The following MYPOP variants were observed in gnomAD, a reference collection of about 807,000 sequenced individuals.
MYPOP encodes myb-related transcription factor, partner of profilin.
In MYPOP, 21 loss-of-function variants were observed where a neutral mutation model predicts 25.7. The observed-to-expected ratio is 0.82, with a 90% CI of 0.58 to 1.18. The LOEUF is 1.18. Ranked by LOEUF, MYPOP falls within the 50% of genes most tolerant of loss-of-function variation. The pLI, the probability that MYPOP is intolerant of heterozygous loss-of-function variation, is 0.00. For missense variants in MYPOP, 566 were observed against 588.3 expected, an observed-to-expected ratio of 0.96 and a Z score of 0.39; for synonymous variants, 280 against 247.9, an observed-to-expected ratio of 1.13 and a Z score of -1.22.
intron 2 of MYPOP, among the ~76,000 whole-genome samples, chr19:45,900,401 T>C (rs916925702): frequency 1.2e-4 from 18 of 152,174 alleles, no homozygotes; most frequent in Admixed American, 7.2e-4. Flanking sequence ...TTCTTACTCT[T>C]TGCATCTCAG....
At chr19:45,902,008 G>C (rs1054753118) in intron 1 of MYPOP, among the ~76,000 whole-genome samples, 183 bp from the exon 2 acceptor site, 21 of 151,404 alleles carry the variant, frequency 1.4e-4, no homozygotes, top group African/African-American at 4.6e-4. Flanking sequence ...CCGGCTGAGC[G>C]CTTGGCTCGG....
In MYPOP at chr19:45,902,353, TG is replaced by T. The variant is rs1200402221; in HGVS notation, c.-53+216del. 2.0e-5 allele frequency among the ~76,000 whole-genome samples: 3 copies of T among 150,928 alleles called. No individual in the cohort carries two copies. In the South Asian group the frequency reaches 6.3e-4, roughly 32 times the overall value. ...GGGATGTCCAGGAATAATGGTGAGG[TG>T]GGAGCTCCTGTATCACTGGAAGAGC... On this transcript the variant is annotated intron_variant, in intron 1 of 2. Transcript: ENST00000322217.
At position 45,890,972 on chromosome 19, in the gene MYPOP, A is replaced by T; in HGVS notation, c.851T>A (p.Leu284Gln). The change falls in exon 3 of 3, where the codon CTG becomes CAG. Residue 284 changes from leucine (L) to glutamine (Q), a missense_variant. Physicochemically the swap from Leu to Gln is moderately radical, Grantham distance 113. Coordinates refer to ENST00000322217, the MANE Select transcript of MYPOP (RefSeq NM_001012643.4). ...GCTGAGGGCCTCGCTCAGTTTGGCC[A>T]GTCCCTGTCGAAGGGTGCCGGCCAG... ...RELAGTLRQG[L>Q]AKLSEALSAL... is the part of the protein sequence containing the mutation. The T allele has an allele frequency of 1.3e-6, 2 of 1,494,800 alleles. No homozygotes were observed. The highest frequency in any genetic ancestry group is 8.9e-7 in the Non-Finnish European group (1 of 1,119,004). The allele number at this position is 1,494,800 out of a possible 1,614,324, so 92.6% of individuals were successfully genotyped here. A position where few individuals can be genotyped will look rare whatever the true frequency, so the allele number is the denominator to read the frequency against.
chr19:45,890,556 G>C lies in MYPOP; in HGVS notation c.*67C>G. On this transcript the variant is annotated 3_prime_UTR_variant, in exon 3 of 3. Coordinates refer to ENST00000322217, the MANE Select transcript of MYPOP (RefSeq NM_001012643.4). ...AGGGTGCAGCTGGGATGGGCAGAGA[G>C]CATCGCCCCCCTCGACTGCGCCAAG... is the stretch of plus-strand genomic sequence containing the variant. The C allele has an allele frequency of 6.3e-7, 1 of 1,580,150 alleles. No homozygotes were observed. The highest frequency in any genetic ancestry group is 8.6e-7 in the Non-Finnish European group (1 of 1,161,596).
chr19:45,891,686 C>T (rs543280595), intron 2 of MYPOP, among the ~76,000 whole-genome samples: 2 of 152,304 alleles, frequency 1.3e-5, no homozygotes, highest in East Asian at 3.9e-4. Flanking sequence ...GATCCGCCCG[C>T]CTTGGCCTCC....
chr19:45,901,898 G>A lies in MYPOP; in HGVS notation c.-52-73C>T. On this transcript the variant is annotated intron_variant, in intron 1 of 2. Transcript: ENST00000322217. The surrounding 1 kb of genome is among the most constrained non-coding windows in gnomAD (Gnocchi z 5.7). ...GCCGCCGCCTCTCCCAGACCGCCGG[G>A]CCGAGAGCTCCTTAGTCCCCGGGGG... is the stretch of plus-strand genomic sequence containing the variant. The A allele has an allele frequency of 1.0e-5, 8 of 778,580 alleles. No homozygotes were observed. The highest frequency in any genetic ancestry group is 1.4e-5 in the Non-Finnish European group (8 of 577,826). 48.2% of individuals were successfully genotyped at this position (778,580 alleles called of 1,614,324 possible).
Position 45,896,728 on chromosome 19 carries a change from C to T in MYPOP, c.499+4547G>A, listed in dbSNP as rs571262693. ...GCAAGCTCCGCTTCCCGGGTTCACGCCATTCTCCTGCCTCAGCCTCCCGAG... is the reference window on the plus strand; with the variant it reads ...GCAAGCTCCGCTTCCCGGGTTCACGTCATTCTCCTGCCTCAGCCTCCCGAG... On this transcript the variant is annotated intron_variant, in intron 2 of 2. Transcript: ENST00000322217. 3.6e-4 allele frequency among the ~76,000 whole-genome samples: 54 copies of T among 151,678 alleles called. No individual in the cohort carries two copies. The East Asian group carries it at 9.7e-3, about 27-fold the overall frequency.
At chr19:45,894,304 G>A (rs1356838069) in intron 2 of MYPOP, among the ~76,000 whole-genome samples, 1 of 151,518 alleles carries the variant, frequency 6.6e-6, no homozygotes, top group South Asian at 2.1e-4. Flanking sequence ...TAGTAGAGAC[G>A]GGGTTTCACC....
chr19:45,901,236 C>T lies in MYPOP; in HGVS notation c.499+39G>A. On this transcript the variant is annotated intron_variant, in intron 2 of 2. Transcript: ENST00000322217. This position sits in a 1 kb window ranked among gnomAD's most constrained non-coding sequence, Gnocchi z 5.7. ...TTTGATGAGACATGTAAAAGGCTTG[C>T]AACAGCGCAGGCACACAGCCTACTC... is the stretch of plus-strand genomic sequence containing the variant. 2.1e-6 allele frequency: 3 copies of T among 1,409,802 alleles called. No homozygotes were observed. The highest frequency in any genetic ancestry group is 2.8e-6 in the Non-Finnish European group (3 of 1,080,858). The allele number at this position is 1,409,802 out of a possible 1,614,324, so 87.3% of individuals were successfully genotyped here.
intron 2 of MYPOP, among the ~76,000 whole-genome samples, chr19:45,896,526 T>C (rs1967206976): frequency 6.6e-6 from 1 of 152,168 alleles, no homozygotes; most frequent in Non-Finnish European, 1.5e-5. Context: ...TCGCCCCATT[T>C]TATAGATGAG....
intron 2 of MYPOP, among the ~76,000 whole-genome samples, chr19:45,894,279 AT>A (rs1350375312): frequency 4.8e-5 from 7 of 146,544 alleles, no homozygotes; most frequent in East Asian, 2.1e-4. Context: ...CGCCCGGCTA[AT>A]TTTTTTGTAT....
chr19:45,890,559 TCGCCCCCCTCGACTG>T lies in MYPOP; in HGVS notation c.*49_*63del. 6.3e-7 allele frequency: 1 copy of T among 1,581,226 alleles called. No homozygotes were observed. The highest frequency in any genetic ancestry group is 1.3e-5 in the African/African-American group (1 of 74,306). ...GTGCAGCTGGGATGGGCAGAGAGCA[TCGCCCCCCTCGACTG>T]CGCCAAGCTGGGGAGAGGGGTTGCA... is the stretch of plus-strand genomic sequence containing the variant. On this transcript the variant is annotated 3_prime_UTR_variant, in exon 3 of 3. Coordinates refer to ENST00000322217, the MANE Select transcript of MYPOP (RefSeq NM_001012643.4).
At chr19:45,892,085 A>G (rs935070276) in intron 2 of MYPOP, among the ~76,000 whole-genome samples, 1 of 151,668 alleles carries the variant, frequency 6.6e-6, no homozygotes, top group Non-Finnish European at 1.5e-5. Flanking sequence ...CCGCCTGGCT[A>G]AATTTTTGTA....
rs1235644535 is a variant in MYPOP, at chr19:45,901,396, C to T, written c.378G>A (p.Ala126=). The change falls in exon 2 of 3, where the codon GCG becomes GCA. Residue 126 remains alanine (A), a synonymous_variant. Coordinates refer to ENST00000322217, the MANE Select transcript of MYPOP (RefSeq NM_001012643.4). This position sits in a 1 kb window ranked among gnomAD's most constrained non-coding sequence, Gnocchi z 5.7. The stretch of plus-strand genomic sequence containing the variant: ...CCTCCGCCCCAGCACCTGCCCCCGG[C>T]GCCGCCACACCTGGCCCCAGGATGG... ...IFAILGPGVA[A]PGAGAGAEEP... is the part of the protein sequence containing the mutation. 1 of 1,523,662 alleles carries T rather than the reference C, an allele frequency of 6.6e-7. No individual in the cohort carries two copies. 94.4% of individuals were successfully genotyped at this position (1,523,662 alleles called of 1,614,324 possible).
At chr19:45,898,375 T>G (rs1967237888) in intron 2 of MYPOP, among the ~76,000 whole-genome samples, 1 of 151,668 alleles carries the variant, frequency 6.6e-6, no homozygotes, top group South Asian at 2.1e-4. Context: ...CAGGCTGAAG[T>G]GCAATGGCGC....
chr19:45,901,936 CG>C lies in MYPOP; in HGVS notation c.-52-112del. ...TAGTCCCCGGGGGCAGGAGTGGGGG[CG>C]GGGGGCGGGCGGGGGCGACGGGCAC... On this transcript the variant is annotated intron_variant, in intron 1 of 2. Coordinates refer to ENST00000322217, the MANE Select transcript of MYPOP (RefSeq NM_001012643.4). This position sits in a 1 kb window ranked among gnomAD's most constrained non-coding sequence, Gnocchi z 5.7. 2.6e-6 allele frequency: 1 copy of C among 382,806 alleles called. No individual in the cohort carries two copies. The highest frequency in any genetic ancestry group is 4.1e-6 in the Non-Finnish European group (1 of 245,614). The allele number at this position is 382,806 out of a possible 1,614,324, so 23.7% of individuals were successfully genotyped here. A position where few individuals can be genotyped will look rare whatever the true frequency, so the allele number is the denominator to read the frequency against.
intron 2 of MYPOP, among the ~76,000 whole-genome samples, chr19:45,898,806 G>A (rs1967244759): frequency 6.6e-6 from 1 of 152,068 alleles, no homozygotes; most frequent in African/African-American, 2.4e-5. Flanking sequence ...TACCCTGTCT[G>A]TATAGCCCCC....
chr19:45,898,916 T>G (rs1967246408), intron 2 of MYPOP, among the ~76,000 whole-genome samples: 1 of 152,172 alleles, frequency 6.6e-6, no homozygotes, highest in Non-Finnish European at 1.5e-5. Flanking sequence ...GTGGTCTGTT[T>G]CCTCCAACTA....
At position 45,891,327 on chromosome 19, in the gene MYPOP, TAGAG is replaced by T. The variant is rs1375806045; in HGVS notation, c.500-8_500-5del. 6.7e-7 allele frequency: 1 copy of T among 1,492,566 alleles called. No homozygotes were observed. Among genetic ancestry groups the T allele is most frequent in the South Asian group, 1.3e-5 (1 of 75,026 alleles). 92.5% of individuals were successfully genotyped at this position (1,492,566 alleles called of 1,614,324 possible). A position where few individuals can be genotyped will look rare whatever the true frequency, so the allele number is the denominator to read the frequency against. Reference sequence around the variant, plus strand: ...GCCTTGCTGTGGGCTGATGTATCTGTAGAGAGAGAAATACAGGTAAGGGGTGAGC... The same window carrying T: ...GCCTTGCTGTGGGCTGATGTATCTGTAGAGAAATACAGGTAAGGGGTGAGC... On this transcript the variant is annotated splice_polypyrimidine_tract_variant and splice_region_variant and intron_variant, in intron 2 of 2. Transcript: ENST00000322217.
Sources: allele counts gnomAD v4.1 joint callset (sites outside exome capture counted in the v4.1 genomes callset), GRCh38; gene constraint gnomAD v4.1.1; non-coding constraint Gnocchi (gnomAD v3.1); transcripts MANE v1.5; gene names NCBI Gene and HGNC (gene_info 2026-07-23, HGNC 2026-07-21).